Variants in CDH18 observed in about 807,000 individuals in gnomAD.
CDH18 encodes the protein cadherin-18.
In CDH18, 31 loss-of-function variants were observed where a neutral mutation model predicts 67.9. That is an observed-to-expected ratio of 0.46 (90% CI 0.34 to 0.62). The LOEUF (loss-of-function observed/expected upper bound fraction) is 0.62, where lower values mean the gene tolerates loss of function less well. CDH18 is among the 20% of genes least tolerant of loss of function. The pLI is 0.01. For synonymous variants in CDH18, 362 were observed against 347.2 expected (o/e 1.04, Z -0.48); for missense variants, 890 against 975.5 (o/e 0.91, Z 1.17).
chr5:20,327,701 A>T (rs1031605090), intron 1 of CDH18, among the ~76,000 whole-genome samples: 1 of 152,182 alleles, frequency 6.6e-6, no homozygotes, highest in African/African-American at 2.4e-5. Flanking sequence ...GATAAAAAAA[A>T]TAAAGCTAAG....
intron 1 of CDH18, among the ~76,000 whole-genome samples, chr5:20,487,423 C>T (rs1753270393): frequency 6.7e-6 from 1 of 149,082 alleles, no homozygotes; most frequent in African/African-American, 2.5e-5. Flanking sequence ...TACTTTTAAT[C>T]AGAGAAAAAT....
At chr5:19,493,537 G>GGTGTGTGTGTGTGTGTGT (rs67879363) in intron 11 of CDH18, among the ~76,000 whole-genome samples, 1 of 147,938 alleles carries the variant, frequency 6.8e-6, no homozygotes, top group African/African-American at 2.5e-5. Context: ...AGGGAATTGG[G>GGTGTGTGTGTGTGTGTGT]GTGTGTGTGT....
rs555298367 is a variant in CDH18 at position 20,323,066 on chromosome 5, A to T, written c.-579-67561T>A. On this transcript the variant is annotated intron_variant, in intron 1 of 14. Transcript: ENST00000507958. ...CTGGATATGGTCTGTATTTAATTTC[A>T]GTTGTGAACACATTCTTAAAGATAA... 2.2e-4 allele frequency among the ~76,000 whole-genome samples: 34 copies of T among 152,294 alleles called. No individual in the cohort carries two copies. The South Asian group carries it at 6.4e-3, about 29-fold the overall frequency.
intron 2 of CDH18, among the ~76,000 whole-genome samples, chr5:20,141,273 A>C (rs1315424334): frequency 6.6e-6 from 1 of 152,176 alleles, no homozygotes; most frequent in African/African-American, 2.4e-5. Context: ...ATTTAGTTAA[A>C]TTGACTTGAT....
intron 3 of CDH18, among the ~76,000 whole-genome samples, chr5:19,818,692 T>C (rs529602425): frequency 6.6e-6 from 1 of 152,194 alleles, no homozygotes; most frequent in Non-Finnish European, 1.5e-5. Flanking sequence ...GAAACCTGTA[T>C]AGCATGTTAC....
intron 1 of CDH18, among the ~76,000 whole-genome samples, chr5:20,387,169 C>T (rs996464568): frequency 3.3e-5 from 5 of 152,132 alleles, no homozygotes; most frequent in African/African-American, 7.2e-5. Context: ...AGTTTATGGA[C>T]ATTTTCATGA....
intron 3 of CDH18, among the ~76,000 whole-genome samples, chr5:19,817,014 A>G (rs548300455): frequency 6.6e-6 from 1 of 152,040 alleles, no homozygotes; most frequent in South Asian, 2.1e-4. Context: ...TAAAGAATTA[A>G]TAGGGCTGAT....
intron 2 of CDH18, among the ~76,000 whole-genome samples, chr5:20,123,438 G>A (rs1748542115): frequency 6.6e-6 from 1 of 152,160 alleles, no homozygotes; most frequent in Admixed American, 6.5e-5. Flanking sequence ...TGTATAGTCT[G>A]AGACCTTCTT....
chr5:20,200,367 T>G (rs1229296617), intron 2 of CDH18, among the ~76,000 whole-genome samples: 1 of 152,082 alleles, frequency 6.6e-6, no homozygotes, highest in East Asian at 1.9e-4. Context: ...TATCAGTAAG[T>G]GGATATTAAA....
chr5:20,437,338 CT>C (rs1580996208), intron 1 of CDH18, among the ~76,000 whole-genome samples: 1 of 151,066 alleles, frequency 6.6e-6, no homozygotes, highest in East Asian at 1.9e-4. Context: ...TAGACTCTTG[CT>C]TTAAAAAAGT....
chr5:19,777,944 A>C (rs1581304648), intron 3 of CDH18, among the ~76,000 whole-genome samples: 1 of 152,200 alleles, frequency 6.6e-6, no homozygotes, highest in African/African-American at 2.4e-5. Flanking sequence ...AAAGGCAATA[A>C]GAGAATAATA....
At chr5:20,353,476 T>C (rs1241711389) in intron 1 of CDH18, among the ~76,000 whole-genome samples, 1 of 152,158 alleles carries the variant, frequency 6.6e-6, no homozygotes, top group African/African-American at 2.4e-5. Context: ...TAGAACAAGC[T>C]CAAAAAAGAA....
chr5:19,508,658 T>G (rs1744620596), intron 10 of CDH18, among the ~76,000 whole-genome samples: 1 of 152,072 alleles, frequency 6.6e-6, no homozygotes, highest in Non-Finnish European at 1.5e-5. Context: ...CTTTTAAAAA[T>G]ATACTTTCAA....
At chr5:20,485,324 G>A (rs1753093918) in intron 1 of CDH18, among the ~76,000 whole-genome samples, 1 of 152,144 alleles carries the variant, frequency 6.6e-6, no homozygotes, top group African/African-American at 2.4e-5. Flanking sequence ...GATGACATGT[G>A]TGTAATGTTT....
At chr5:20,061,578 T>C (rs533621009) in intron 2 of CDH18, among the ~76,000 whole-genome samples, 6 of 152,312 alleles carry the variant, frequency 3.9e-5, no homozygotes, top group Non-Finnish European at 7.4e-5. Flanking sequence ...TGCCAAATAT[T>C]AGCACACTTT....
chr5:20,481,545 AG>A (rs1752811547), intron 1 of CDH18, among the ~76,000 whole-genome samples: 1 of 152,150 alleles, frequency 6.6e-6, no homozygotes, highest in African/African-American at 2.4e-5. Context: ...GTTATTCTCA[AG>A]GATAGACCAT....
At chr5:20,432,632 T>G (rs928452809) in intron 1 of CDH18, among the ~76,000 whole-genome samples, 1 of 152,098 alleles carries the variant, frequency 6.6e-6, no homozygotes, top group African/African-American at 2.4e-5. Context: ...CTGATGGCTG[T>G]CTTCTCCCTG....
chr5:19,933,147 A>T lies in CDH18; in HGVS notation c.-257+47913T>A, dbSNP rs1351865149. Among the ~76,000 whole-genome samples the T allele has an allele frequency of 2.0e-5, 3 of 151,452 alleles. No individual in the cohort carries two copies. The East Asian group carries it at 5.8e-4, about 29-fold the overall frequency. On this transcript the variant is annotated intron_variant, in intron 2 of 12. Transcript: ENST00000382275. ...TCACCAATTCTCCCCTTTAATCCTT[A>T]TTCTAGGTTGATGATCATATTTCCC...
At chr5:19,798,286 G>C (rs1370756943) in intron 3 of CDH18, among the ~76,000 whole-genome samples, 1 of 151,962 alleles carries the variant, frequency 6.6e-6, no homozygotes, top group African/African-American at 2.4e-5. Context: ...TTAAAATCTA[G>C]TTGTGAAAAA....
Sources: gnomAD v4.1 joint callset for allele counts (sites outside exome capture counted in the v4.1 genomes callset) on GRCh38, gnomAD v4.1.1 for gene constraint, MANE v1.5 for transcripts, NCBI Gene and HGNC (gene_info 2026-07-23, HGNC 2026-07-21) for gene names.